The following TNKS variants were observed in gnomAD, a reference collection of about 807,000 sequenced individuals.
The protein encoded by TNKS is poly [ADP-ribose] polymerase tankyrase-1.
A neutral mutation model predicts 135.8 loss-of-function variants in TNKS; 72 were observed. That is an observed-to-expected ratio of 0.53 (90% CI 0.44 to 0.64). The LOEUF (loss-of-function observed/expected upper bound fraction) is 0.64. Ranked by LOEUF, TNKS falls within the 30% of genes least tolerant of loss-of-function variation. The pLI is 0.00. For synonymous variants in TNKS, 849 were observed against 649.3 expected (o/e 1.31, Z -4.68); for missense variants, 1,769 against 1,674.0 (o/e 1.06, Z -0.99).
chr8:9,587,089 C>G (rs1798408990), intron 2 of TNKS, among the ~76,000 whole-genome samples: 1 of 151,898 alleles, frequency 6.6e-6, no homozygotes, highest in Non-Finnish European at 1.5e-5. Context: ...CTTTACATTG[C>G]TAACAGAAAT....
intron 3 of TNKS, among the ~76,000 whole-genome samples, 167 bp downstream of exon 3, chr8:9,615,844 A>G (rs558512897): frequency 3.9e-5 from 6 of 152,330 alleles, no homozygotes; most frequent in South Asian, 4.1e-4. Context: ...ATTAATTGCT[A>G]TGCTGTCGTA....
chr8:9,585,139 C>T (rs1387891434), intron 2 of TNKS, among the ~76,000 whole-genome samples: 1 of 150,294 alleles, frequency 6.7e-6, no homozygotes, highest in Admixed American at 6.6e-5. Flanking sequence ...AACTCAAAAC[C>T]GAAATAAAAA....
rs1263680185 is a variant in TNKS at position 9,642,404 on chromosome 8, G to C, written c.994+26727G>C. Among the ~76,000 whole-genome samples, 2 of 146,210 alleles carry C rather than the reference G, an allele frequency of 1.4e-5. 1 individual carries two copies. Among genetic ancestry groups the C allele is most frequent in the East Asian group, 4.2e-4 (2 of 4,748 alleles). On this transcript the variant is annotated intron_variant, in intron 3 of 26. Transcript: ENST00000310430. ...TAGAAATGTCAATTTATTTGAAACA[G>C]TTTTCTACTTTTGTCACACTAGGAT... is the stretch of plus-strand genomic sequence containing the variant.
intron 3 of TNKS, among the ~76,000 whole-genome samples, chr8:9,627,725 A>G (rs1317040663): frequency 6.6e-6 from 1 of 152,206 alleles, no homozygotes; most frequent in East Asian, 1.9e-4. Context: ...TGCCGTAATC[A>G]AGAAATGAAT....
intron 1 of TNKS, among the ~76,000 whole-genome samples, chr8:9,569,338 A>G (rs989823692): frequency 6.6e-6 from 1 of 152,224 alleles, no homozygotes; most frequent in African/African-American, 2.4e-5. Context: ...CACCTGGGTA[A>G]CTAGTGCCCT....
At chr8:9,577,130 C>G (rs1420404764) in intron 1 of TNKS, among the ~76,000 whole-genome samples, 8 of 150,522 alleles carry the variant, frequency 5.3e-5, no homozygotes, top group Non-Finnish European at 8.9e-5. Flanking sequence ...TTTTTTGCCT[C>G]TTTGTAAAGC....
rs928532944 is a variant in TNKS at position 9,700,155 on chromosome 8, A to G, written c.1108-4508A>G. The stretch of plus-strand genomic sequence containing the variant: ...CCCGGGTGTCCTGAACTCCCCTTCC[A>G]TGGGATTTGTCCACATCCACAGCAT... On this transcript the variant is annotated intron_variant, in intron 5 of 26. Transcript: ENST00000310430. Among the ~76,000 whole-genome samples, 106 of 152,120 alleles carry G rather than the reference A, an allele frequency of 7.0e-4. 1 individual carries two copies. The highest frequency in any genetic ancestry group is 6.9e-3 in the Admixed American group (105 of 15,282).
chr8:9,689,457 C>T lies in TNKS; in HGVS notation c.1107+8657C>T, dbSNP rs1799977651. Among the ~76,000 whole-genome samples the T allele has an allele frequency of 1.3e-5, 2 of 151,894 alleles. 1 individual carries two copies. ...CTAAACTGGTAAATTTGGAAACAGA[C>T]CAATTCTAAATATAAAATGTTTTAT... is the stretch of plus-strand genomic sequence containing the variant. On this transcript the variant is annotated intron_variant, in intron 5 of 26. Coordinates refer to ENST00000310430, the MANE Select transcript of TNKS (RefSeq NM_003747.3).
chr8:9,606,430 G>A (rs1043135210), intron 2 of TNKS, among the ~76,000 whole-genome samples: 1 of 152,004 alleles, frequency 6.6e-6, no homozygotes, highest in Non-Finnish European at 1.5e-5. Context: ...ATATCTATAT[G>A]TATTCTTATT....
intron 18 of TNKS, among the ~76,000 whole-genome samples, chr8:9,751,204 G>T (rs1806512364): frequency 6.6e-6 from 1 of 152,206 alleles, no homozygotes; most frequent in African/African-American, 2.4e-5. Context: ...ATGAATAAAT[G>T]AGCTAAATTA....
intron 6 of TNKS, 82 bp downstream of exon 6, chr8:9,704,839 A>C: frequency 9.3e-7 from 1 of 1,078,376 alleles, no homozygotes; most frequent in East Asian, 2.4e-5. Flanking sequence ...ACAAAGTCAT[A>C]TGTCCCATTT....
rs1156766644 is a variant in TNKS at position 9,674,292 on chromosome 8, C to A, written c.995-5659C>A. 2.0e-5 allele frequency among the ~76,000 whole-genome samples: 3 copies of A among 152,164 alleles called. No homozygotes were observed. The South Asian group carries it at 6.2e-4, about 32-fold the overall frequency. On this transcript the variant is annotated intron_variant, in intron 3 of 26. Transcript: ENST00000310430. ...GCATGAAGTGGTTTACCCAAGGTCA[C>A]ACAAGTAAACTAGTGGCAGAGCTAG... is the stretch of plus-strand genomic sequence containing the variant.
chr8:9,663,083 T>C (rs1330242639), intron 3 of TNKS, among the ~76,000 whole-genome samples: 1 of 152,212 alleles, frequency 6.6e-6, no homozygotes, highest in Non-Finnish European at 1.5e-5. Flanking sequence ...TAGTGATGCA[T>C]GGCCACAAGC....
At chr8:9,764,561 G>C (rs1269484213) in intron 22 of TNKS, among the ~76,000 whole-genome samples, 155 bp from the exon 23 acceptor site, 1 of 152,106 alleles carries the variant, frequency 6.6e-6, no homozygotes, top group African/African-American at 2.4e-5. Flanking sequence ...ATTTATGTTT[G>C]AAATTATTTT....
At chr8:9,638,013 G>A (rs1410688809) in intron 3 of TNKS, among the ~76,000 whole-genome samples, 2 of 152,062 alleles carry the variant, frequency 1.3e-5, no homozygotes, top group South Asian at 2.1e-4. Context: ...TTGTTGCCCA[G>A]GCTGGAGTGT....
chr8:9,691,785 G>T (rs1803285773), intron 5 of TNKS, among the ~76,000 whole-genome samples: 1 of 152,004 alleles, frequency 6.6e-6, no homozygotes, highest in South Asian at 2.1e-4. Flanking sequence ...AAAATTTTTT[G>T]TATATGCTAT....
intron 18 of TNKS, among the ~76,000 whole-genome samples, chr8:9,750,560 C>T (rs541637418): frequency 5.9e-5 from 9 of 152,128 alleles, no homozygotes; most frequent in Non-Finnish European, 8.8e-5. Context: ...CCCTTTCTCT[C>T]GCCTTCAGTA....
chr8:9,705,526 A>C (rs953624474), intron 6 of TNKS, among the ~76,000 whole-genome samples: 2 of 152,072 alleles, frequency 1.3e-5, no homozygotes, highest in Non-Finnish European at 2.9e-5. Flanking sequence ...AAATGAACTC[A>C]ATGCTTGAGA....
At chr8:9,573,276 C>T (rs763373508) in intron 1 of TNKS, among the ~76,000 whole-genome samples, 13 of 152,132 alleles carry the variant, frequency 8.5e-5, no homozygotes, top group South Asian at 8.3e-4. Context: ...AGAATAGGTT[C>T]AGAGTAATTC....
Sources: gnomAD v4.1 joint callset for allele counts (sites outside exome capture counted in the v4.1 genomes callset) on GRCh38, gnomAD v4.1.1 for gene constraint, MANE v1.5 for transcripts, NCBI Gene and HGNC (gene_info 2026-07-23, HGNC 2026-07-21) for gene names.